The following PTPRN2 variants were observed in gnomAD, a reference collection of about 807,000 sequenced individuals.
PTPRN2 encodes protein tyrosine phosphatase receptor type N2.
In PTPRN2, 74 loss-of-function variants were observed where a neutral mutation model predicts 118.8. That is an observed-to-expected ratio of 0.62 (90% CI 0.52 to 0.76). The LOEUF is 0.76. Among genes scored for constraint, PTPRN2 ranks in the 30% least tolerant of loss-of-function variants. The pLI is 0.00. For synonymous variants in PTPRN2, 641 were observed against 608.0 expected (o/e 1.05, Z -0.80); for missense variants, 1,481 against 1,394.4 (o/e 1.06, Z -0.99).
intron 2 of PTPRN2, among the ~76,000 whole-genome samples, chr7:158,418,304 G>C (rs191448247): frequency 1.6e-5 from 1 of 63,370 alleles, no homozygotes; most frequent in African/African-American, 6.2e-5. Flanking sequence ...TCCTGCTGTG[G>C]TAAGTCATGG....
chr7:158,062,357 G>A (rs1166430179), intron 11 of PTPRN2, among the ~76,000 whole-genome samples: 1 of 152,256 alleles, frequency 6.6e-6, no homozygotes, highest in African/African-American at 2.4e-5. Flanking sequence ...TGTGTGTGGG[G>A]CTCTGCAGTT....
chr7:158,376,108 C>A (rs1465527424), intron 2 of PTPRN2, among the ~76,000 whole-genome samples: 1 of 152,176 alleles, frequency 6.6e-6, no homozygotes, highest in South Asian at 2.1e-4. Context: ...AGACACCCCA[C>A]CCCTGGATGC....
intron 12 of PTPRN2, among the ~76,000 whole-genome samples, chr7:157,700,912 C>T (rs907708750): frequency 6.6e-6 from 1 of 152,222 alleles, no homozygotes; most frequent in Non-Finnish European, 1.5e-5. Flanking sequence ...AGGTCGAATG[C>T]TGAGTCCCTC....
At chr7:157,901,376 G>A (rs1018087209) in intron 11 of PTPRN2, among the ~76,000 whole-genome samples, 2 of 151,980 alleles carry the variant, frequency 1.3e-5, no homozygotes, top group Non-Finnish European at 2.9e-5. Context: ...TTCAACATGA[G>A]GCATGGCGGG....
intron 2 of PTPRN2, among the ~76,000 whole-genome samples, chr7:158,359,522 G>A (rs1177699711): frequency 1.3e-5 from 2 of 152,114 alleles, no homozygotes; most frequent in Admixed American, 1.3e-4. Context: ...GACTCCTGCG[G>A]CCTTCAAAGA....
At chr7:158,181,744 T>C (rs1409598015) in intron 5 of PTPRN2, among the ~76,000 whole-genome samples, 3 of 152,200 alleles carry the variant, frequency 2.0e-5, no homozygotes, top group South Asian at 2.1e-4. Context: ...GAAGTGTTCA[T>C]AATAGTCGTG....
At chr7:158,019,197 C>A (rs762507399) in intron 11 of PTPRN2, among the ~76,000 whole-genome samples, 4 of 152,354 alleles carry the variant, frequency 2.6e-5, no homozygotes, top group Middle Eastern at 6.8e-3. Flanking sequence ...GGCAAAATGC[C>A]ACTCAGACCA....
intron 21 of PTPRN2, among the ~76,000 whole-genome samples, chr7:157,556,598 AAC>A (rs996556223): frequency 2.8e-4 from 42 of 150,232 alleles, no homozygotes; most frequent in East Asian, 9.9e-4. Context: ...CACACATCCA[AAC>A]ACACACACCC....
At chr7:157,599,368 T>C (rs1801532492) in intron 16 of PTPRN2, among the ~76,000 whole-genome samples, 1 of 152,242 alleles carries the variant, frequency 6.6e-6, no homozygotes, top group Non-Finnish European at 1.5e-5. Context: ...TATCCCTTGG[T>C]TGACTGATTC....
At chr7:157,847,460 A>C (rs1200611685) in intron 12 of PTPRN2, among the ~76,000 whole-genome samples, 3 of 147,014 alleles carry the variant, frequency 2.0e-5, no homozygotes, top group Non-Finnish European at 4.5e-5. Context: ...GCCCTCTCTC[A>C]CTCCATCATG....
chr7:158,070,965 CTCACGGTGGAGGTGCCCGTGGTGGTGG>C (rs1811348360), intron 11 of PTPRN2, among the ~76,000 whole-genome samples: 1 of 50,732 alleles, frequency 2.0e-5, no homozygotes, highest in Non-Finnish European at 3.6e-5. Flanking sequence ...GGTGGAGGTG[CTCACGGTGGAGGTGCCCGTGGTGGTGG>C]AGGTGCTCAT....
intron 2 of PTPRN2, among the ~76,000 whole-genome samples, chr7:158,351,058 C>T (rs1807888564): frequency 6.6e-6 from 1 of 152,162 alleles, no homozygotes; most frequent in Non-Finnish European, 1.5e-5. Context: ...CACAGTTATC[C>T]CATTACGAAA....
rs899413132 is a variant in PTPRN2, at chr7:157,615,664, T to C, written c.2344+5698A>G. ...TGTTTTTATCAATGACTTGACGACGTGAAAAACATGTTTATAAAACGAGCA... is the reference window on the plus strand; with the variant it reads ...TGTTTTTATCAATGACTTGACGACGCGAAAAACATGTTTATAAAACGAGCA... On this transcript the variant is annotated intron_variant, in intron 15 of 22. Coordinates refer to ENST00000389418, the MANE Select transcript of PTPRN2 (RefSeq NM_002847.5). This position sits in a 1 kb window ranked among gnomAD's most constrained non-coding sequence, Gnocchi z 4.3. The C allele has an allele frequency of 8.7e-6, 4 of 460,286 alleles. No individual in the cohort carries two copies. The highest frequency in any genetic ancestry group is 8.0e-5 in the African/African-American group (4 of 49,824). 28.5% of individuals were successfully genotyped at this position (460,286 alleles called of 1,614,324 possible).
intron 2 of PTPRN2, among the ~76,000 whole-genome samples, chr7:158,350,267 C>T (rs1807828016): frequency 6.6e-6 from 1 of 152,194 alleles, no homozygotes; most frequent in South Asian, 2.1e-4. Context: ...TCCATCTCCG[C>T]TCCCTCTGGC....
intron 14 of PTPRN2, among the ~76,000 whole-genome samples, chr7:157,644,526 G>A (rs1444565306): frequency 2.6e-5 from 4 of 152,152 alleles, no homozygotes; most frequent in East Asian, 1.9e-4. Context: ...GGCTGGGCGC[G>A]GTGGCTCATG....
chr7:158,223,227 A>G (rs1828493239), intron 3 of PTPRN2, among the ~76,000 whole-genome samples: 1 of 152,216 alleles, frequency 6.6e-6, no homozygotes, highest in South Asian at 2.1e-4. Flanking sequence ...TGGTTTCACC[A>G]AAGAATTATA....
chr7:158,233,770 G>C (rs1829327126), intron 3 of PTPRN2, among the ~76,000 whole-genome samples: 1 of 152,136 alleles, frequency 6.6e-6, no homozygotes, highest in Non-Finnish European at 1.5e-5. Context: ...CATAAAAACA[G>C]ACACACAGAC....
At position 157,869,781 on chromosome 7, in the gene PTPRN2, G is replaced by A. The variant is rs1410334253; in HGVS notation, c.1788+28892C>T. 6.6e-6 allele frequency among the ~76,000 whole-genome samples: 1 copy of A among 152,194 alleles called. No homozygotes were observed. The highest frequency in any genetic ancestry group is 1.5e-5 in the Non-Finnish European group (1 of 68,030). ...TGTCCTGGTGGAGAAGGGCTCTCTGGTGAAGCTTTCCCAGGCATTTTTCTG... is the reference window on the plus strand; with the variant it reads ...TGTCCTGGTGGAGAAGGGCTCTCTGATGAAGCTTTCCCAGGCATTTTTCTG... On this transcript the variant is annotated intron_variant, in intron 12 of 22. Transcript: ENST00000389418. This position sits in a 1 kb window ranked among gnomAD's most constrained non-coding sequence, Gnocchi z 4.2.
intron 11 of PTPRN2, among the ~76,000 whole-genome samples, chr7:158,069,513 C>T (rs1327293651): frequency 6.6e-6 from 1 of 151,870 alleles, no homozygotes; most frequent in Non-Finnish European, 1.5e-5. Context: ...CATTCTTTAC[C>T]CCCCAAAGTG....
Sources: gnomAD v4.1 joint callset for allele counts (sites outside exome capture counted in the v4.1 genomes callset) on GRCh38, gnomAD v4.1.1 for gene constraint, Gnocchi (gnomAD v3.1) non-coding constraint, MANE v1.5 for transcripts, NCBI Gene and HGNC (gene_info 2026-07-23, HGNC 2026-07-21) for gene names.